Variants in PIK3CD observed in about 807,000 individuals in gnomAD.
The protein encoded by PIK3CD is phosphatidylinositol-4,5-bisphosphate 3-kinase catalytic subunit delta.
Under a neutral mutation model 122.9 loss-of-function variants are expected in PIK3CD, and 20 were observed. The observed-to-expected ratio is 0.16, with a 90% CI of 0.11 to 0.24. The LOEUF (loss-of-function observed/expected upper bound fraction) is 0.24, where lower values mean the gene tolerates loss of function less well. PIK3CD is among the 10% of genes least tolerant of loss of function. PIK3CD has a pLI of 1.00. For missense variants in PIK3CD, 787 were observed against 1,406.3 expected (o/e 0.56, Z 7.04); for synonymous variants, 596 against 593.4 (o/e 1.00, Z -0.06).
intron 2 of PIK3CD, among the ~76,000 whole-genome samples, chr1:9,705,329 A>T (rs1339969738): frequency 1.3e-5 from 2 of 150,646 alleles, no homozygotes; most frequent in East Asian, 1.9e-4. Flanking sequence ...ATACCAAAAA[A>T]AAAAAAAAAA....
At chr1:9,697,153 C>T (rs917964755) in intron 2 of PIK3CD, among the ~76,000 whole-genome samples, 4 of 151,876 alleles carry the variant, frequency 2.6e-5, no homozygotes, top group Non-Finnish European at 5.9e-5. Context: ...GGGGGGATCA[C>T]TTGAGCCCAG....
At chr1:9,691,726 C>T (rs1177490385) in intron 2 of PIK3CD, 155 bp downstream of exon 2, 1 of 389,248 alleles carries the variant, frequency 2.6e-6, no homozygotes, top group African/African-American at 2.1e-5. Flanking sequence ...AGAGAGTGAC[C>T]CAAATTGGTG....
the PIK3CD span, among the ~76,000 whole-genome samples, chr1:9,642,197 C>T: frequency 2.0e-5 from 3 of 151,926 alleles, no homozygotes; most frequent in East Asian, 2.0e-4. Context: ...ACTGCAACCT[C>T]CACATCCCGG....
the PIK3CD span, among the ~76,000 whole-genome samples, chr1:9,633,108 G>A: frequency 3.3e-5 from 5 of 151,986 alleles, no homozygotes; most frequent in Admixed American, 6.6e-5. Context: ...TGATCCGCCC[G>A]CCTCGGCCTC....
At chr1:9,676,334 C>G (rs1645536261) in intron 1 of PIK3CD, among the ~76,000 whole-genome samples, 1 of 152,220 alleles carries the variant, frequency 6.6e-6, no homozygotes, top group East Asian at 1.9e-4. Context: ...CTCAGCCCCC[C>G]ATAGTGCGTA....
rs1646121914 is a variant in PIK3CD, at chr1:9,689,695, GGGCCCCGCCCCC to G, written c.-137-1768_-137-1757del. On this transcript the variant is annotated intron_variant, in intron 1 of 23. Coordinates refer to ENST00000377346, the MANE Select transcript of PIK3CD (RefSeq NM_005026.5). The surrounding 1 kb of genome is among the most constrained non-coding windows in gnomAD (Gnocchi z 6.1). ...CTGGGCAACTGTCTCCAGGGAGATC[GGGCCCCGCCCCC>G]GGCAGCGACACCCGGTACGGAGCCC... 2.6e-5 allele frequency among the ~76,000 whole-genome samples: 4 copies of G among 151,246 alleles called. No homozygotes were observed. The South Asian group carries it at 8.4e-4, about 32-fold the overall frequency.
chr1:9,708,922 C>T lies in PIK3CD; in HGVS notation c.-32-1502C>T, dbSNP rs986922598. ...AACCTGTAGTGGAGTAGGCTAGAGG[C>T]GGGGAAGGGAGAAGGGGACCTGGAA... is the stretch of plus-strand genomic sequence containing the variant. On this transcript the variant is annotated intron_variant, in intron 2 of 23. Transcript: ENST00000377346. Among the ~76,000 whole-genome samples, 4 of 151,966 alleles carry T rather than the reference C, an allele frequency of 2.6e-5. No individual in the cohort carries two copies. The East Asian group carries it at 5.8e-4, about 22-fold the overall frequency.
In PIK3CD at chr1:9,724,296, C is replaced by G. The variant is rs1649154020; in HGVS notation, c.2739C>G (p.Gly913=). The G allele has an allele frequency of 6.2e-7, 1 of 1,614,186 alleles. No homozygotes were observed. The highest frequency in any genetic ancestry group is 1.3e-5 in the African/African-American group (1 of 75,062). The change falls in exon 22 of 24, where the codon GGC becomes GGG. Residue 913 remains glycine (G), a synonymous_variant. Transcript: ENST00000377346. This position sits in a 1 kb window ranked among gnomAD's most constrained non-coding sequence, Gnocchi z 7.3. ...ESGQLFHIDF[G]HFLGNFKTKF... ...CTCAGCTGTTCCACATTGATTTTGGCCACTTTCTGGGGAATTTCAAGACCA... is the reference window on the plus strand; with the variant it reads ...CTCAGCTGTTCCACATTGATTTTGGGCACTTTCTGGGGAATTTCAAGACCA...
rs376092324 is a variant in PIK3CD at position 9,711,580 on chromosome 1, A to AT, written c.141+995dup. Among the ~76,000 whole-genome samples the AT allele has an allele frequency of 9.7e-3, 1,425 of 146,596 alleles. 26 individuals carry two copies. The highest frequency in any genetic ancestry group is 0.033 in the African/African-American group (1,329 of 40,204). On this transcript the variant is annotated intron_variant, in intron 3 of 23. Transcript: ENST00000377346. ...TCATCCTATTCATGACTGTGTCATC[A>AT]TTTTTTTTTTTGAGATGGGGTCTCA...
intron 1 of PIK3CD, among the ~76,000 whole-genome samples, chr1:9,676,537 A>G (rs1645545624): frequency 6.6e-6 from 1 of 152,176 alleles, no homozygotes; most frequent in Admixed American, 6.5e-5. Context: ...GGCCTCTACA[A>G]TCTCAATGGC....
At chr1:9,630,182 C>T in the PIK3CD span, among the ~76,000 whole-genome samples, 2 of 152,234 alleles carry the variant, frequency 1.3e-5, no homozygotes, top group African/African-American at 4.8e-5. Flanking sequence ...GCTGGACCCA[C>T]GTCTGTCTGG....
the PIK3CD span, among the ~76,000 whole-genome samples, chr1:9,639,112 T>G: frequency 2.4e-3 from 362 of 152,242 alleles, 2 homozygotes; most frequent in African/African-American, 8.4e-3. Flanking sequence ...ACCATTCAAC[T>G]CACTACATGT....
chr1:9,699,426 G>A (rs181862639), intron 2 of PIK3CD, among the ~76,000 whole-genome samples: 1 of 152,052 alleles, frequency 6.6e-6, no homozygotes, highest in African/African-American at 2.4e-5. Flanking sequence ...AAATCAGGCC[G>A]CCTCAGTCCT....
chr1:9,640,023 G>A, the PIK3CD span, among the ~76,000 whole-genome samples: 1 of 151,690 alleles, frequency 6.6e-6, no homozygotes, highest in Admixed American at 6.6e-5. Flanking sequence ...ATTACAGGTG[G>A]GAGCCACCGT....
chr1:9,679,017 G>T (rs1445424358), intron 1 of PIK3CD, among the ~76,000 whole-genome samples: 6 of 151,966 alleles, frequency 3.9e-5, no homozygotes, highest in African/African-American at 1.5e-4. Flanking sequence ...AAGCATGCCT[G>T]CGAGAGCTGG....
rs1226135580 is a variant in PIK3CD, at chr1:9,689,532, C to T, written c.-137-1935C>T. 6.8e-6 allele frequency among the ~76,000 whole-genome samples: 1 copy of T among 147,662 alleles called. No homozygotes were observed. Among genetic ancestry groups the T allele is most frequent in the Non-Finnish European group, 1.5e-5 (1 of 66,254 alleles). On this transcript the variant is annotated intron_variant, in intron 1 of 23. Transcript: ENST00000377346. The surrounding 1 kb of genome is among the most constrained non-coding windows in gnomAD (Gnocchi z 6.1). ...CGCCTGCCAGTAGTCCCAGCCCCGCCCCGGGCCGCGCCCCTCCGCCGAGCC... is the reference window on the plus strand; with the variant it reads ...CGCCTGCCAGTAGTCCCAGCCCCGCTCCGGGCCGCGCCCCTCCGCCGAGCC...
In PIK3CD at chr1:9,719,233, C is replaced by T. The variant is rs1485967971; in HGVS notation, c.1242+318C>T. On this transcript the variant is annotated intron_variant, in intron 9 of 23. Transcript: ENST00000377346. The surrounding 1 kb of genome is among the most constrained non-coding windows in gnomAD (Gnocchi z 5.5). Reference sequence around the variant, plus strand: ...ATCCCTGGAGCAGAAAAGCCTGAGTCAGCGGCTGGCCGGGAGGCGTAGTGG... The same window carrying T: ...ATCCCTGGAGCAGAAAAGCCTGAGTTAGCGGCTGGCCGGGAGGCGTAGTGG... Among the ~76,000 whole-genome samples, 1 of 152,250 alleles carries T rather than the reference C, an allele frequency of 6.6e-6. No homozygotes were observed. Among genetic ancestry groups the T allele is most frequent in the African/African-American group, 2.4e-5 (1 of 41,470 alleles).
chr1:9,721,058 A>G lies in PIK3CD; in HGVS notation c.1690-69A>G. 10 of 1,424,916 alleles carry G rather than the reference A, an allele frequency of 7.0e-6. No individual in the cohort carries two copies. The South Asian group carries it at 1.0e-4, about 15-fold the overall frequency. The allele number at this position is 1,424,916 out of a possible 1,614,324, so 88.3% of individuals were successfully genotyped here. On this transcript the variant is annotated intron_variant, in intron 13 of 23. Transcript: ENST00000377346. ...CCCACCACCCTGACCCTGGCTGGCC[A>G]TCACCCTTACCCTGACCACCTCCAC...
rs1189715672 is a variant in PIK3CD, at chr1:9,720,253, G to T, written c.1470+11G>T. The T allele has an allele frequency of 1.3e-6, 2 of 1,599,426 alleles. No homozygotes were observed. The highest frequency in any genetic ancestry group is 2.7e-5 in the African/African-American group (2 of 74,708). ...CCCGCCCTGGAGAAGGTCAGTGGGG[G>T]CCCCGCCGCGTGAGGCTGAGGGGCT... On this transcript the variant is annotated intron_variant, in intron 11 of 23. Coordinates refer to ENST00000377346, the MANE Select transcript of PIK3CD (RefSeq NM_005026.5). The surrounding 1 kb of genome is among the most constrained non-coding windows in gnomAD (Gnocchi z 9.0).
Sources: allele counts gnomAD v4.1 joint callset (sites outside exome capture counted in the v4.1 genomes callset), GRCh38; gene constraint gnomAD v4.1.1; non-coding constraint Gnocchi (gnomAD v3.1); transcripts MANE v1.5; gene names NCBI Gene and HGNC (gene_info 2026-07-23, HGNC 2026-07-21).